Variants in THSD4 observed in about 807,000 individuals in gnomAD.
THSD4 encodes thrombospondin type-1 domain-containing protein 4.
Under a neutral mutation model 119.0 loss-of-function variants are expected in THSD4, and 69 were observed. The ratio of observed to expected loss-of-function variants is 0.58; its 90% CI spans 0.48 to 0.71. THSD4 has a LOEUF of 0.71. Among genes scored for constraint, THSD4 ranks in the 30% least tolerant of loss-of-function variants. THSD4 has a pLI of 0.00. For missense variants in THSD4, 1,393 were observed against 1,391.1 expected, an observed-to-expected ratio of 1.00 and a Z score of -0.02; for synonymous variants, 524 against 540.4, an observed-to-expected ratio of 0.97 and a Z score of 0.42.
chr15:71,590,437 C>T (rs1171950848), intron 7 of THSD4, among the ~76,000 whole-genome samples: 1 of 135,938 alleles, frequency 7.4e-6, no homozygotes, highest in Non-Finnish European at 1.7e-5. Flanking sequence ...AAGCCATTAT[C>T]CTCAGCAAAC....
At chr15:71,216,886 C>T (rs1471430662) in intron 4 of THSD4, among the ~76,000 whole-genome samples, 7 of 152,180 alleles carry the variant, frequency 4.6e-5, no homozygotes, top group African/African-American at 1.4e-4. Context: ...CAGCCTCCAA[C>T]TCCGGGTTCA....
In THSD4 at chr15:71,141,570, C is replaced by A. The variant is rs774403765; in HGVS notation, c.29+14C>A. On this transcript the variant is annotated intron_variant, in intron 2 of 17. Coordinates refer to ENST00000261862, the MANE Select transcript of THSD4 (RefSeq NM_024817.3). Reference sequence around the variant, plus strand: ...GGGGTCTCTCAGGTAAGTGAAGAAACTTTTTTTAAAAAAACAGGAGAATAA... The same window carrying A: ...GGGGTCTCTCAGGTAAGTGAAGAAAATTTTTTTAAAAAAACAGGAGAATAA... 1.2e-6 allele frequency: 2 copies of A among 1,603,486 alleles called. No homozygotes were observed. Among genetic ancestry groups the A allele is most frequent in the South Asian group, 1.1e-5 (1 of 88,472 alleles).
At chr15:71,357,554 G>C (rs2045835116) in intron 6 of THSD4, among the ~76,000 whole-genome samples, 1 of 152,196 alleles carries the variant, frequency 6.6e-6, no homozygotes, top group Non-Finnish European at 1.5e-5. Context: ...GCACTGGGGA[G>C]GCTATGCAGA....
chr15:71,486,491 TGTGGCATAA>T (rs2047820182), intron 7 of THSD4, among the ~76,000 whole-genome samples: 1 of 152,196 alleles, frequency 6.6e-6, no homozygotes, highest in Non-Finnish European at 1.5e-5. Flanking sequence ...CTCACTTACG[TGTGGCATAA>T]GTGGCATACA....
At chr15:71,373,766 T>C (rs2046092627) in intron 6 of THSD4, among the ~76,000 whole-genome samples, 1 of 152,206 alleles carries the variant, frequency 6.6e-6, no homozygotes, top group Non-Finnish European at 1.5e-5. Context: ...TGACTCTGTG[T>C]GGTGGGACTC....
chr15:71,525,801 G>A (rs545854905), intron 7 of THSD4, among the ~76,000 whole-genome samples: 36 of 152,294 alleles, frequency 2.4e-4, no homozygotes, highest in African/African-American at 7.7e-4. Flanking sequence ...AAGTGCAATA[G>A]AAAATCATGG....
intron 7 of THSD4, among the ~76,000 whole-genome samples, chr15:71,603,033 C>T (rs1460141828): frequency 2.6e-5 from 4 of 152,256 alleles, no homozygotes; most frequent in African/African-American, 9.6e-5. Flanking sequence ...TATGTTGCCT[C>T]TGTCCTTTCA....
chr15:71,562,140 A>G (rs1214156428), intron 7 of THSD4, among the ~76,000 whole-genome samples: 1 of 152,222 alleles, frequency 6.6e-6, no homozygotes, highest in Non-Finnish European at 1.5e-5. Flanking sequence ...TCTAGAAACA[A>G]AATAATCTTC....
At chr15:71,626,247 A>G (rs1011998145) in intron 7 of THSD4, among the ~76,000 whole-genome samples, 7 of 152,160 alleles carry the variant, frequency 4.6e-5, no homozygotes, top group African/African-American at 1.7e-4. Flanking sequence ...TCGGTTTTCT[A>G]AGTAAGAAAA....
chr15:71,484,854 G>C (rs2047790489), intron 7 of THSD4, among the ~76,000 whole-genome samples: 2 of 152,180 alleles, frequency 1.3e-5, no homozygotes, highest in Non-Finnish European at 2.9e-5. Context: ...GGACTTAAAA[G>C]AGGTCAAGGA....
intron 1 of THSD4, among the ~76,000 whole-genome samples, chr15:71,140,495 A>C (rs544675925): frequency 8.4e-4 from 128 of 152,288 alleles, no homozygotes; most frequent in African/African-American, 2.8e-3. Flanking sequence ...AGACACCTCC[A>C]ATGGACCCCA....
At chr15:71,724,003 C>A (rs550039114) in intron 8 of THSD4, among the ~76,000 whole-genome samples, 1 of 148,138 alleles carries the variant, frequency 6.8e-6, no homozygotes, top group Non-Finnish European at 1.5e-5. Context: ...TTGCAGTGAG[C>A]AGTAAGCCAT....
At chr15:71,112,320 AC>A (rs757050256), upstream of THSD4, 13 of 1,235,788 alleles carry the variant, frequency 1.1e-5, no homozygotes, top group South Asian at 1.9e-4. Context: ...GAAGGGGGGT[AC>A]TATTAATAAT....
At chr15:71,750,281 G>A (rs906213360) in intron 14 of THSD4, among the ~76,000 whole-genome samples, 2 of 152,178 alleles carry the variant, frequency 1.3e-5, no homozygotes, top group Admixed American at 6.5e-5. Flanking sequence ...GCCCCATACG[G>A]CCACATTGGC....
At chr15:71,712,853 C>T (rs1316242935) in intron 8 of THSD4, among the ~76,000 whole-genome samples, 2 of 152,108 alleles carry the variant, frequency 1.3e-5, no homozygotes, top group East Asian at 3.9e-4. Flanking sequence ...CCTATGCTTC[C>T]GTTTGTTATG....
chr15:71,189,225 G>A (rs1159263913), intron 3 of THSD4, among the ~76,000 whole-genome samples: 1 of 152,164 alleles, frequency 6.6e-6, no homozygotes, highest in Non-Finnish European at 1.5e-5. Flanking sequence ...TGAGCACCTT[G>A]CCAGGGTAAT....
intron 7 of THSD4, among the ~76,000 whole-genome samples, chr15:71,550,989 CATTTCT>C (rs1458041021): frequency 6.6e-6 from 1 of 152,032 alleles, no homozygotes; most frequent in Non-Finnish European, 1.5e-5. Context: ...CCAGATTTTC[CATTTCT>C]AAGACTTTTT....
chr15:71,160,274 T>A (rs2043238824), intron 3 of THSD4, among the ~76,000 whole-genome samples: 1 of 152,068 alleles, frequency 6.6e-6, no homozygotes, highest in South Asian at 2.1e-4. Context: ...GCCCATAGTT[T>A]TCTTTTTTTT....
chr15:71,259,423 A>G (rs2044363976), intron 6 of THSD4, among the ~76,000 whole-genome samples: 1 of 152,194 alleles, frequency 6.6e-6, no homozygotes, highest in African/African-American at 2.4e-5. Flanking sequence ...ACTAATACAA[A>G]GAAGAAGGAA....
Sources: gnomAD v4.1 joint callset for allele counts (sites outside exome capture counted in the v4.1 genomes callset) on GRCh38, gnomAD v4.1.1 for gene constraint, MANE v1.5 for transcripts, NCBI Gene and HGNC (gene_info 2026-07-23, HGNC 2026-07-21) for gene names.